SYNPO2: variants seen among roughly 807,000 people sequenced by gnomAD.
SYNPO2 encodes the protein synaptopodin 2.
A neutral mutation model predicts 85.0 loss-of-function variants in SYNPO2; 56 were observed. The ratio of observed to expected loss-of-function variants is 0.66; its 90% confidence interval spans 0.53 to 0.82. The LOEUF (loss-of-function observed/expected upper bound fraction) is 0.82, where lower values mean the gene tolerates loss of function less well. SYNPO2 is among the 40% of genes least tolerant of loss of function. The pLI is 0.00. For synonymous variants in SYNPO2, 602 were observed against 591.1 expected, an observed-to-expected ratio of 1.02 and a Z score of -0.27; for missense variants, 1,575 against 1,534.2, an observed-to-expected ratio of 1.03 and a Z score of -0.44.
Position 119,060,777 on chromosome 4 carries a change from C to G in SYNPO2, c.*2843C>G, listed in dbSNP as rs767831715. On this transcript the variant is annotated 3_prime_UTR_variant, in exon 5 of 5. Transcript: ENST00000307142. Reference sequence around the variant, plus strand: ...GAGACACTAATTTGGCACTTTTCCTCCTTCTTAGGTTTAAATGTTATACCA... The same window carrying G: ...GAGACACTAATTTGGCACTTTTCCTGCTTCTTAGGTTTAAATGTTATACCA... 6.6e-6 allele frequency: 1 copy of G among 152,170 alleles called. No individual in the cohort carries two copies. The highest frequency in any genetic ancestry group is 2.4e-5 in the African/African-American group (1 of 41,454). The allele number at this position is 152,170 out of a possible 1,614,324, so 9.4% of individuals were successfully genotyped here.
chr4:119,027,393 G>A lies in SYNPO2; in HGVS notation c.1024G>A (p.Glu342Lys), dbSNP rs780537706. Residue 342 changes from glutamate to lysine, a missense_variant, in exon 3 of 5, where the codon GAA becomes AAA. Physicochemically the swap from Glu to Lys is moderately conservative, Grantham distance 56. This residue lies in a region of SYNPO2 where 1,508 missense variants were observed against 1,446.8 expected (regional missense o/e 1.04). Coordinates refer to ENST00000307142, the MANE Select transcript of SYNPO2 (RefSeq NM_133477.3). The part of the protein sequence containing the change: ...GTEQGEDPRS[E>K]KDHSRPHKHR... ...AGAGCAGGGAGAAGATCCACGCTCG[G>A]AAAAAGATCACAGCAGACCTCACAA... The A allele has an allele frequency of 5.0e-6, 8 of 1,612,248 alleles. No individual in the cohort carries two copies. The Admixed American group carries it at 1.3e-4, about 27-fold the overall frequency.
At chr4:118,973,001 T>A (rs932844525) in intron 1 of SYNPO2, among the ~76,000 whole-genome samples, 17 of 152,240 alleles carry the variant, frequency 1.1e-4, no homozygotes, top group Non-Finnish European at 2.9e-5. Context: ...CAACTTATGA[T>A]GTTTCAACTT....
chr4:118,996,004 C>T (rs1466363403), intron 1 of SYNPO2, among the ~76,000 whole-genome samples: 1 of 152,138 alleles, frequency 6.6e-6, no homozygotes, highest in East Asian at 1.9e-4. Flanking sequence ...GATCCAGGCT[C>T]TTTTGTACTG....
intron 1 of SYNPO2, among the ~76,000 whole-genome samples, chr4:118,915,313 G>A (rs1236682642): frequency 6.6e-6 from 1 of 152,032 alleles, no homozygotes; most frequent in Non-Finnish European, 1.5e-5. Context: ...CCCACCTGAG[G>A]TAACTGTCAT....
At chr4:119,052,747 G>A (rs1444999485) in intron 4 of SYNPO2, among the ~76,000 whole-genome samples, 3 of 152,134 alleles carry the variant, frequency 2.0e-5, no homozygotes, top group Non-Finnish European at 4.4e-5. Flanking sequence ...TCAGGGGATG[G>A]CATCATCTAT....
At chr4:118,859,677 T>C (rs1482560944) in intron 1 of SYNPO2, among the ~76,000 whole-genome samples, 4 of 152,242 alleles carry the variant, frequency 2.6e-5, no homozygotes, top group African/African-American at 4.8e-5. Flanking sequence ...CATGCAATGT[T>C]TATCTTTCTG....
chr4:118,872,261 G>A (rs930344359), intron 1 of SYNPO2, among the ~76,000 whole-genome samples: 8 of 152,064 alleles, frequency 5.3e-5, no homozygotes, highest in African/African-American at 1.7e-4. Flanking sequence ...GGGAGCATAG[G>A]AGAGCCAGGG....
chr4:118,923,888 C>A (rs1413721767), intron 1 of SYNPO2, among the ~76,000 whole-genome samples: 35 of 128,808 alleles, frequency 2.7e-4, no homozygotes, highest in African/African-American at 5.1e-4. Flanking sequence ...AGACTGCACT[C>A]AAAAAAAAAA....
At chr4:119,033,642 T>C in intron 4 of SYNPO2, 1 of 985,484 alleles carries the variant, frequency 1.0e-6, no homozygotes, top group African/African-American at 1.7e-5. Flanking sequence ...TTTAATCTTC[T>C]GAAAATATCT....
chr4:118,927,705 TAGA>T (rs1733763727), intron 1 of SYNPO2, among the ~76,000 whole-genome samples: 4 of 97,352 alleles, frequency 4.1e-5, no homozygotes, highest in Admixed American at 9.8e-5. Context: ...ATGAGATAGA[TAGA>T]TAGATAGATA....
intron 1 of SYNPO2, among the ~76,000 whole-genome samples, chr4:118,852,874 AT>A (rs1196038530): frequency 6.6e-6 from 1 of 152,230 alleles, no homozygotes; most frequent in Non-Finnish European, 1.5e-5. Context: ...TAAAAGTTAA[AT>A]TTAAAAACAT....
chr4:119,022,512 GTTT>G (rs778146297), intron 1 of SYNPO2, among the ~76,000 whole-genome samples: 2 of 87,124 alleles, frequency 2.3e-5, no homozygotes, highest in Non-Finnish European at 4.4e-5. Flanking sequence ...TTTTTTGTAG[GTTT>G]TTTTTTTTTT....
chr4:119,025,194 T>C (rs375314732), intron 2 of SYNPO2, among the ~76,000 whole-genome samples: 7 of 152,352 alleles, frequency 4.6e-5, no homozygotes, highest in African/African-American at 1.7e-4. Flanking sequence ...GAATTGAAAC[T>C]ATTCTCTTCT....
intron 4 of SYNPO2, among the ~76,000 whole-genome samples, chr4:119,040,973 T>C (rs1738694222): frequency 6.6e-6 from 1 of 152,218 alleles, no homozygotes; most frequent in Non-Finnish European, 1.5e-5. Flanking sequence ...AACCTCGGCC[T>C]GAACAGAGCA....
intron 4 of SYNPO2, among the ~76,000 whole-genome samples, chr4:119,047,469 C>A (rs1182920409): frequency 6.6e-6 from 1 of 152,202 alleles, no homozygotes; most frequent in African/African-American, 2.4e-5. Flanking sequence ...ATACTGTGTA[C>A]TTCTGCTGAA....
At chr4:119,016,961 T>G (rs1199605346) in intron 1 of SYNPO2, among the ~76,000 whole-genome samples, 1 of 152,192 alleles carries the variant, frequency 6.6e-6, no homozygotes, top group Admixed American at 6.5e-5. Context: ...CCATGAATAC[T>G]TTTTACTTTT....
At chr4:118,942,429 C>T (rs1228930236) in intron 1 of SYNPO2, among the ~76,000 whole-genome samples, 1 of 152,152 alleles carries the variant, frequency 6.6e-6, no homozygotes, top group Admixed American at 6.5e-5. Flanking sequence ...GAATGGACAG[C>T]TTTCTATCTT....
rs138336395 is a variant in SYNPO2, at chr4:118,913,829, A to G, written c.105+24688A>G. 5.9e-5 allele frequency among the ~76,000 whole-genome samples: 9 copies of G among 152,292 alleles called. No homozygotes were observed. The East Asian group carries it at 1.5e-3, about 26-fold the overall frequency. ...AAAAGTCTCTGTCTTCTTCCTTTCAAATGCATCATCTTATTCATTAAAAAT... is the reference window on the plus strand; with the variant it reads ...AAAAGTCTCTGTCTTCTTCCTTTCAGATGCATCATCTTATTCATTAAAAAT... On this transcript the variant is annotated intron_variant, in intron 1 of 4. Coordinates refer to ENST00000307142, the MANE Select transcript of SYNPO2 (RefSeq NM_133477.3).
At chr4:119,014,974 G>C (rs1225811662) in intron 1 of SYNPO2, among the ~76,000 whole-genome samples, 1 of 152,162 alleles carries the variant, frequency 6.6e-6, no homozygotes, top group Non-Finnish European at 1.5e-5. Context: ...GTTCAGTGCA[G>C]TCAACTTAAC....
Sources: gnomAD v4.1 joint callset for allele counts (sites outside exome capture counted in the v4.1 genomes callset) on GRCh38, gnomAD v4.1.1 for gene constraint, gnomAD v4.1.1 regional missense constraint, MANE v1.5 for transcripts, NCBI Gene and HGNC (gene_info 2026-07-23, HGNC 2026-07-21) for gene names.